The following SDK2 variants were observed in gnomAD, a reference collection of about 807,000 sequenced individuals.
SDK2 encodes the protein sidekick cell adhesion molecule 2, also known as protein sidekick-2.
Under a neutral mutation model 253.9 loss-of-function variants are expected in SDK2, and 105 were observed. The observed-to-expected ratio is 0.41, with a 90% CI of 0.35 to 0.49. The LOEUF is 0.49. Ranked by LOEUF, SDK2 falls within the 20% of genes least tolerant of loss-of-function variation. The pLI is 0.06. For synonymous variants in SDK2, 1,249 were observed against 1,234.9 expected (o/e 1.01, Z -0.24); for missense variants, 2,608 against 3,003.0 (o/e 0.87, Z 3.07).
intron 2 of SDK2, among the ~76,000 whole-genome samples, chr17:73,501,329 TC>T (rs35192985): frequency 0.74 from 112,553 of 151,930 alleles, 41,893 homozygotes; most frequent in African/African-American, 0.81. Flanking sequence ...GTGTTCTTCC[TC>T]CCCCCCACCA....
chr17:73,356,756 C>T (rs528387385), intron 40 of SDK2, among the ~76,000 whole-genome samples: 1 of 152,338 alleles, frequency 6.6e-6, no homozygotes, highest in African/African-American at 2.4e-5. Flanking sequence ...GGCCCTGCTC[C>T]GAGTCCTGGT....
At chr17:73,530,333 G>A (rs573457461) in intron 1 of SDK2, among the ~76,000 whole-genome samples, 1 of 152,176 alleles carries the variant, frequency 6.6e-6, no homozygotes, top group South Asian at 2.1e-4. Flanking sequence ...CATGGTAGCA[G>A]GAGAGAGAGA....
intron 39 of SDK2, among the ~76,000 whole-genome samples, chr17:73,359,292 C>T (rs567782313): frequency 5.9e-5 from 9 of 152,178 alleles, no homozygotes; most frequent in African/African-American, 1.7e-4. Context: ...CAACCCCACC[C>T]GGCCACTATG....
chr17:73,493,189 C>T (rs931680512), intron 2 of SDK2, among the ~76,000 whole-genome samples: 1 of 147,480 alleles, frequency 6.8e-6, no homozygotes. Flanking sequence ...CACCCGTTAA[C>T]CAGGGATTCA....
intron 1 of SDK2, among the ~76,000 whole-genome samples, chr17:73,611,097 TG>T (rs2045968758): frequency 6.6e-6 from 1 of 152,230 alleles, no homozygotes; most frequent in African/African-American, 2.4e-5. Context: ...GCTGCGATTT[TG>T]CAAGAGACCA....
At chr17:73,380,215 G>A (rs1462413367) in intron 34 of SDK2, among the ~76,000 whole-genome samples, 1 of 152,164 alleles carries the variant, frequency 6.6e-6, no homozygotes, top group Non-Finnish European at 1.5e-5. Flanking sequence ...CTTTAACAGG[G>A]TTGTGAGAGG....
At chr17:73,428,403 C>A (rs527824029) in intron 12 of SDK2, among the ~76,000 whole-genome samples, 8 of 152,074 alleles carry the variant, frequency 5.3e-5, no homozygotes, top group Non-Finnish European at 1.2e-4. Context: ...GGTTTTCATG[C>A]TAGAAACCTG....
chr17:73,506,287 G>A (rs1402408180), intron 2 of SDK2, among the ~76,000 whole-genome samples: 2 of 152,176 alleles, frequency 1.3e-5, no homozygotes, highest in Non-Finnish European at 2.9e-5. Flanking sequence ...ATCTCCTTGT[G>A]GGCTTCCTGG....
intron 1 of SDK2, among the ~76,000 whole-genome samples, chr17:73,594,273 C>T (rs1411039092): frequency 6.6e-6 from 1 of 152,138 alleles, no homozygotes; most frequent in South Asian, 2.1e-4. Context: ...TTGACCCCCT[C>T]AGGCTGGGGT....
chr17:73,549,976 G>A (rs35221840), intron 1 of SDK2, among the ~76,000 whole-genome samples: 4,652 of 152,162 alleles, frequency 0.031, 109 homozygotes, highest in Non-Finnish European at 0.048. Context: ...AGGACCGCCG[G>A]GGGTGCATAG....
At chr17:73,369,084 C>T in intron 36 of SDK2, 1 of 442,222 alleles carries the variant, frequency 2.3e-6, no homozygotes, top group South Asian at 1.6e-5. Context: ...AGCCAAGACC[C>T]TGGTCTCTGC....
intron 1 of SDK2, among the ~76,000 whole-genome samples, chr17:73,527,200 C>T (rs2064132887): frequency 6.6e-6 from 1 of 152,152 alleles, no homozygotes; most frequent in Admixed American, 6.5e-5. Flanking sequence ...ACGGATCAAT[C>T]CAATGGCATT....
At chr17:73,598,266 C>T (rs1470204018) in intron 1 of SDK2, among the ~76,000 whole-genome samples, 5 of 152,134 alleles carry the variant, frequency 3.3e-5, no homozygotes, top group South Asian at 2.1e-4. Flanking sequence ...TTGGGAGACT[C>T]GGTGTGGGGC....
At chr17:73,418,915 T>G (rs2063204771) in intron 16 of SDK2, among the ~76,000 whole-genome samples, 1 of 152,184 alleles carries the variant, frequency 6.6e-6, no homozygotes, top group African/African-American at 2.4e-5. Flanking sequence ...GTAGGCCTGT[T>G]CCTATGTCAG....
intron 1 of SDK2, among the ~76,000 whole-genome samples, chr17:73,512,043 T>C (rs755537245): frequency 1.3e-5 from 2 of 152,144 alleles, no homozygotes; most frequent in Non-Finnish European, 2.9e-5. Flanking sequence ...GTGTCTGTGG[T>C]CTGTTTCTGT....
At position 73,383,999 on chromosome 17, in the gene SDK2, C is replaced by T. The variant is rs775021565; in HGVS notation, c.4582G>A (p.Asp1528Asn). The part of the protein sequence containing the change: ...VLIRWQPPAE[D>N]KINGILLGFR... ...CCCAGGAGGATGCCATTGATCTTGT[C>T]CTCTGCTGGCGGCTGCAGGAAGGGA... Residue 1528 changes from aspartate (D) to asparagine (N), a missense_variant, in exon 33 of 45, where the codon GAC becomes AAC. Physicochemically the swap from Asp to Asn is conservative, Grantham distance 23. Around this residue, in one of 2 missense-constraint regions of SDK2, gnomAD observed 1,103 missense variants for 1,143.9 expected, o/e 0.96. Coordinates refer to ENST00000392650, the MANE Select transcript of SDK2 (RefSeq NM_001144952.2). The surrounding 1 kb of genome is among the most constrained non-coding windows in gnomAD (Gnocchi z 4.3). The T allele has an allele frequency of 1.9e-6, 3 of 1,613,710 alleles. No homozygotes were observed. The highest frequency in any genetic ancestry group is 3.3e-5 in the Admixed American group (2 of 59,978).
At chr17:73,433,044 A>C (rs2063340206) in intron 10 of SDK2, among the ~76,000 whole-genome samples, 1 of 152,182 alleles carries the variant, frequency 6.6e-6, no homozygotes, top group South Asian at 2.1e-4. Flanking sequence ...CACCACTAGA[A>C]TAATATTCAT....
At chr17:73,533,125 G>T (rs902665792) in intron 1 of SDK2, among the ~76,000 whole-genome samples, 1 of 152,296 alleles carries the variant, frequency 6.6e-6, no homozygotes, top group Non-Finnish European at 1.5e-5. Context: ...CGGGACGCAG[G>T]CAGTGCAGCG....
intron 18 of SDK2, among the ~76,000 whole-genome samples, 155 bp downstream of exon 18, chr17:73,414,489 G>A (rs1014000219): frequency 1.3e-5 from 2 of 152,110 alleles, no homozygotes; most frequent in African/African-American, 4.8e-5. Context: ...GGGAAGGCCT[G>A]GAACTCTTTT....
Sources: gnomAD v4.1 joint callset for allele counts (sites outside exome capture counted in the v4.1 genomes callset) on GRCh38, gnomAD v4.1.1 for gene constraint, gnomAD v4.1.1 regional missense constraint, Gnocchi (gnomAD v3.1) non-coding constraint, MANE v1.5 for transcripts, NCBI Gene and HGNC (gene_info 2026-07-23, HGNC 2026-07-21) for gene names.